Variants in RAB3GAP2 observed in about 807,000 individuals in gnomAD.
RAB3GAP2 encodes RAB3 GTPase activating non-catalytic protein subunit 2.
Under a neutral mutation model 185.3 loss-of-function variants are expected in RAB3GAP2, and 87 were observed. The observed-to-expected ratio is 0.47, with a 90% CI of 0.39 to 0.56. The LOEUF (loss-of-function observed/expected upper bound fraction) is 0.56, where lower values mean the gene tolerates loss of function less well. Among genes scored for constraint, RAB3GAP2 ranks in the 20% least tolerant of loss-of-function variants. RAB3GAP2 has a pLI of 0.00. For synonymous variants in RAB3GAP2, 554 were observed against 576.1 expected (o/e 0.96, Z 0.55); for missense variants, 1,492 against 1,638.2 (o/e 0.91, Z 1.54).
At chr1:220,241,056 TTA>T (rs1483276060) in intron 1 of RAB3GAP2, among the ~76,000 whole-genome samples, 4 of 152,048 alleles carry the variant, frequency 2.6e-5, no homozygotes, top group African/African-American at 9.7e-5. Context: ...ATCAAAAAAA[TTA>T]TAGATGTCTT....
chr1:220,243,519 C>T (rs998484101), intron 1 of RAB3GAP2, among the ~76,000 whole-genome samples: 3 of 152,192 alleles, frequency 2.0e-5, no homozygotes, highest in Non-Finnish European at 2.9e-5. Context: ...CAAGGTCACA[C>T]AACTGATAAG....
At chr1:220,232,384 T>C (rs915045344) in intron 2 of RAB3GAP2, among the ~76,000 whole-genome samples, 3 of 152,154 alleles carry the variant, frequency 2.0e-5, no homozygotes, top group Non-Finnish European at 4.4e-5. Context: ...AGTGAATTTG[T>C]TATAAAAAGA....
chr1:220,208,018 A>C (rs1181701523), intron 7 of RAB3GAP2: 1 of 152,318 alleles, frequency 6.6e-6, no homozygotes, highest in South Asian at 2.1e-4. Flanking sequence ...TTGATATATA[A>C]ATTGACGTGT....
intron 4 of RAB3GAP2, 96 bp downstream of exon 4, chr1:220,212,791 T>C: frequency 9.6e-7 from 1 of 1,045,096 alleles, no homozygotes; most frequent in Non-Finnish European, 1.5e-6. Flanking sequence ...CTGCACCCAA[T>C]CAAATAATGA....
chr1:220,168,926 C>G (rs1264771521), intron 24 of RAB3GAP2, among the ~76,000 whole-genome samples: 2 of 152,118 alleles, frequency 1.3e-5, no homozygotes, highest in Non-Finnish European at 2.9e-5. Flanking sequence ...TCTTTTGATT[C>G]AAATAAAAAC....
intron 27 of RAB3GAP2, among the ~76,000 whole-genome samples, chr1:220,164,461 G>GT (rs926203083): frequency 1.6e-5 from 2 of 124,090 alleles, no homozygotes; most frequent in Non-Finnish European, 3.4e-5. Context: ...TTTTTGTTTT[G>GT]TTTTTTGTTT....
chr1:220,178,245 C>T (rs568805650), intron 21 of RAB3GAP2, among the ~76,000 whole-genome samples: 6 of 152,130 alleles, frequency 3.9e-5, no homozygotes, highest in South Asian at 2.1e-4. Flanking sequence ...CCGAGACAAA[C>T]GAAAGCTGAG....
chr1:220,165,554 A>T (rs1335483631), intron 26 of RAB3GAP2, among the ~76,000 whole-genome samples: 1 of 152,154 alleles, frequency 6.6e-6, no homozygotes, highest in Non-Finnish European at 1.5e-5. Flanking sequence ...AATTTCTCTG[A>T]AGGTAATTTT....
intron 1 of RAB3GAP2, among the ~76,000 whole-genome samples, chr1:220,245,496 A>G (rs958615035): frequency 3.3e-5 from 5 of 152,216 alleles, no homozygotes. Flanking sequence ...ATTATATCCC[A>G]CACCTGGCTC....
chr1:220,183,249 C>CT (rs1658445729), intron 19 of RAB3GAP2, among the ~76,000 whole-genome samples: 1 of 149,600 alleles, frequency 6.7e-6, no homozygotes, highest in Non-Finnish European at 1.5e-5. Context: ...AGAATGTTAG[C>CT]ATTTTTTTTT....
chr1:220,200,192 C>T (rs756706876), intron 9 of RAB3GAP2, among the ~76,000 whole-genome samples: 3 of 152,166 alleles, frequency 2.0e-5, no homozygotes, highest in African/African-American at 4.8e-5. Context: ...GCTCCTCTAC[C>T]TAGAATGCTC....
chr1:220,267,949 A>G, intron 1 of RAB3GAP2: 1 of 632,080 alleles, frequency 1.6e-6, no homozygotes, highest in Admixed American at 2.6e-5. Flanking sequence ...GAGTCTTCCA[A>G]GAGCTCAGCC....
At chr1:220,259,629 C>A (rs1045987416) in intron 1 of RAB3GAP2, among the ~76,000 whole-genome samples, 1 of 152,128 alleles carries the variant, frequency 6.6e-6, no homozygotes, top group East Asian at 1.9e-4. Flanking sequence ...AAACCCAAAA[C>A]TATAAAAACC....
At position 220,191,130 on chromosome 1, in the gene RAB3GAP2, T is replaced by C. The variant is rs1384346677; in HGVS notation, c.1425A>G (p.Leu475=). Residue 475 remains leucine (L), a synonymous_variant, in exon 14 of 35, where the codon TTA becomes TTG. Transcript: ENST00000358951. ...GTCCCTGCTGTGTGCTCCACACTTC[T>C]AAAATTCCCCTTCTTGGCGCATAGA... is the stretch of plus-strand genomic sequence containing the variant. The part of the protein sequence containing the change: ...LVIYAPRRGI[L]EVWSTQQGPR... 6.2e-7 allele frequency: 1 copy of C among 1,614,104 alleles called. No individual in the cohort carries two copies. Among genetic ancestry groups the C allele is most frequent in the African/African-American group, 1.3e-5 (1 of 75,032 alleles).
chr1:220,167,133 G>A (rs992692667), intron 26 of RAB3GAP2, among the ~76,000 whole-genome samples, 160 bp downstream of exon 26: 1 of 152,186 alleles, frequency 6.6e-6, no homozygotes, highest in Non-Finnish European at 1.5e-5. Context: ...AGGATTGTAA[G>A]AGGAAATATG....
intron 7 of RAB3GAP2, among the ~76,000 whole-genome samples, chr1:220,206,584 C>T (rs1195013084): frequency 6.6e-6 from 1 of 152,168 alleles, no homozygotes; most frequent in African/African-American, 2.4e-5. Flanking sequence ...CACTCTTGCT[C>T]TCTACAATCC....
intron 8 of RAB3GAP2, 119 bp downstream of exon 8, chr1:220,205,788 C>T: frequency 2.6e-6 from 2 of 756,356 alleles, no homozygotes; most frequent in Non-Finnish European, 2.2e-6. Flanking sequence ...GCAGGTTTTT[C>T]CCATAAATCT....
In RAB3GAP2 at chr1:220,202,322, T is replaced by C. The variant is rs995995454; in HGVS notation, c.765A>G (p.Lys255=). Residue 255 remains lysine, a synonymous_variant, in exon 9 of 35, where the codon AAA becomes AAG. Transcript: ENST00000358951. Reference sequence around the variant, plus strand: ...TAGTGTCAATATCTTGTAGACCCCATTTCTTATAAGCTAATGGTGGTGGTT... The same window carrying C: ...TAGTGTCAATATCTTGTAGACCCCACTTCTTATAAGCTAATGGTGGTGGTT... ...NIQPPPLAYK[K]WGLQDIDTII... 5 of 1,613,926 alleles carry C rather than the reference T, an allele frequency of 3.1e-6. No homozygotes were observed. Among genetic ancestry groups the C allele is most frequent in the Non-Finnish European group, 4.2e-6 (5 of 1,179,910 alleles).
At chr1:220,264,587 A>G (rs1660197798) in intron 1 of RAB3GAP2, among the ~76,000 whole-genome samples, 1 of 152,058 alleles carries the variant, frequency 6.6e-6, no homozygotes, top group Admixed American at 6.5e-5. Context: ...ACTTCAATCT[A>G]AAGACCCTGC....
Sources: gnomAD v4.1 joint callset for allele counts (sites outside exome capture counted in the v4.1 genomes callset) on GRCh38, gnomAD v4.1.1 for gene constraint, MANE v1.5 for transcripts, NCBI Gene and HGNC (gene_info 2026-07-23, HGNC 2026-07-21) for gene names.